MYO3B: variants seen among roughly 807,000 people sequenced by gnomAD.
MYO3B encodes myosin IIIB, also known as myosin-IIIb.
MYO3B carries 156 observed loss-of-function variants against 174.6 expected under a neutral mutation model. The observed-to-expected ratio is 0.89, with a 90% CI of 0.78 to 1.02. MYO3B has a LOEUF of 1.02. Ranked by LOEUF, MYO3B falls within the 50% of genes least tolerant of loss-of-function variation. The pLI is 0.00. For missense variants in MYO3B, 1,632 were observed against 1,639.4 expected, an observed-to-expected ratio of 1.00 and a Z score of 0.08; for synonymous variants, 563 against 569.1, an observed-to-expected ratio of 0.99 and a Z score of 0.15.
chr2:170,391,693 G>C, intron 15 of MYO3B, 75 bp downstream of exon 15: 1 of 879,452 alleles, frequency 1.1e-6, no homozygotes, highest in Non-Finnish European at 1.8e-6. Flanking sequence ...GAAGTAAATG[G>C]AGCTGTTTTC....
chr2:170,390,420 C>G (rs2094404155), intron 14 of MYO3B, among the ~76,000 whole-genome samples: 1 of 152,072 alleles, frequency 6.6e-6, no homozygotes, highest in South Asian at 2.1e-4. Flanking sequence ...AGAGTGAGAC[C>G]CTGTCTCTTA....
rs147483207 is a variant in MYO3B at position 170,415,737 on chromosome 2, T to C, written c.2650+7893T>C. Among the ~76,000 whole-genome samples, 198 of 152,328 alleles carry C rather than the reference T, an allele frequency of 1.3e-3. 1 individual carries two copies. The highest frequency in any genetic ancestry group is 3.7e-3 in the Admixed American group (57 of 15,298). On this transcript the variant is annotated intron_variant, in intron 22 of 34. Transcript: ENST00000408978. ...CTAAGGGCTTCTGAACCATCCCTGC[T>C]CTTCTTACAGGTAAGATGCTCTCTA... is the stretch of plus-strand genomic sequence containing the variant.
At chr2:170,235,253 C>G (rs569372247) in intron 6 of MYO3B, among the ~76,000 whole-genome samples, 40 of 152,308 alleles carry the variant, frequency 2.6e-4, no homozygotes, top group African/African-American at 8.9e-4. Flanking sequence ...TCTCCTATCG[C>G]CATTGTGATA....
At chr2:170,539,271 C>G (rs1461183013) in intron 30 of MYO3B, among the ~76,000 whole-genome samples, 1 of 152,306 alleles carries the variant, frequency 6.6e-6, no homozygotes, top group East Asian at 1.9e-4. Context: ...TCCAGCTTGT[C>G]CCTCTATGCC....
intron 6 of MYO3B, among the ~76,000 whole-genome samples, chr2:170,231,038 G>A (rs566297348): frequency 1.3e-5 from 2 of 152,330 alleles, no homozygotes; most frequent in Non-Finnish European, 2.9e-5. Flanking sequence ...GCCATTTTCT[G>A]GCTGGTGGCT....
At chr2:170,636,705 T>C (rs1697515706) in intron 32 of MYO3B, among the ~76,000 whole-genome samples, 1 of 152,168 alleles carries the variant, frequency 6.6e-6, no homozygotes, top group Middle Eastern at 3.2e-3. Flanking sequence ...ATCATTCCAG[T>C]GAAGAGCTCA....
intron 30 of MYO3B, among the ~76,000 whole-genome samples, chr2:170,531,726 G>T (rs1455734451): frequency 6.6e-6 from 1 of 152,062 alleles, no homozygotes; most frequent in Non-Finnish European, 1.5e-5. Context: ...CAAAGTAAAT[G>T]ATGACAAAAG....
chr2:170,261,845 A>G (rs1256681482), intron 7 of MYO3B, among the ~76,000 whole-genome samples: 1 of 152,218 alleles, frequency 6.6e-6, no homozygotes, highest in African/African-American at 2.4e-5. Context: ...TCAAAGTTCA[A>G]ATATATAAAT....
At chr2:170,620,660 G>A (rs1559166241) in intron 32 of MYO3B, among the ~76,000 whole-genome samples, 1 of 152,200 alleles carries the variant, frequency 6.6e-6, no homozygotes, top group Non-Finnish European at 1.5e-5. Context: ...AAATCCCATG[G>A]GGTAGATGGA....
intron 30 of MYO3B, among the ~76,000 whole-genome samples, chr2:170,528,827 A>G (rs1353296696): frequency 6.6e-6 from 1 of 152,170 alleles, no homozygotes; most frequent in African/African-American, 2.4e-5. Flanking sequence ...ATCCCCATCA[A>G]GGCCTTCAAT....
At chr2:170,221,309 C>T (rs1304527418) in intron 6 of MYO3B, among the ~76,000 whole-genome samples, 1 of 152,022 alleles carries the variant, frequency 6.6e-6, no homozygotes, top group Non-Finnish European at 1.5e-5. Context: ...GATCCTTGAT[C>T]CTATTTTATT....
chr2:170,652,006 A>C, intron 33 of MYO3B, 102 bp from the exon 34 acceptor site: 1 of 1,258,168 alleles, frequency 7.9e-7, no homozygotes, highest in East Asian at 2.3e-5. Context: ...GTGACTTCTG[A>C]TATTATCAGC....
intron 22 of MYO3B, among the ~76,000 whole-genome samples, chr2:170,424,475 G>C (rs2094645121): frequency 6.6e-6 from 1 of 152,050 alleles, no homozygotes; most frequent in Admixed American, 6.5e-5. Context: ...AAATTAGCTG[G>C]GCATGTTGGT....
At chr2:170,563,092 A>G (rs899913255) in intron 32 of MYO3B, among the ~76,000 whole-genome samples, 1 of 146,000 alleles carries the variant, frequency 6.8e-6, no homozygotes, top group Non-Finnish European at 1.5e-5. Context: ...ACACACATAC[A>G]CTCTTTCTCT....
At chr2:170,534,114 G>A (rs998188035) in intron 30 of MYO3B, among the ~76,000 whole-genome samples, 1 of 152,122 alleles carries the variant, frequency 6.6e-6, no homozygotes, top group East Asian at 1.9e-4. Context: ...CAGATGTTGT[G>A]TTTTTTACGA....
At chr2:170,488,767 A>G (rs10189587) in intron 25 of MYO3B, among the ~76,000 whole-genome samples, 33,844 of 152,158 alleles carry the variant, frequency 0.22, 5,241 homozygotes, top group African/African-American at 0.44. Flanking sequence ...AAGAGTTGCA[A>G]AATGGCTCAA....
intron 32 of MYO3B, among the ~76,000 whole-genome samples, chr2:170,576,101 T>A (rs1049518510): frequency 3.3e-5 from 5 of 152,190 alleles, no homozygotes; most frequent in African/African-American, 1.2e-4. Context: ...ATTCAACATT[T>A]TTTCTAGTTG....
intron 27 of MYO3B, among the ~76,000 whole-genome samples, chr2:170,500,829 C>G (rs1379564468): frequency 6.6e-6 from 1 of 152,190 alleles, no homozygotes; most frequent in African/African-American, 2.4e-5. Context: ...AACTTATAAA[C>G]CAAGGGAAGA....
chr2:170,468,177 C>A (rs1290662520), intron 25 of MYO3B, among the ~76,000 whole-genome samples: 2 of 152,102 alleles, frequency 1.3e-5, no homozygotes, highest in Non-Finnish European at 2.9e-5. Flanking sequence ...AACCACTTAA[C>A]AAAATGGATG....
Sources: gnomAD v4.1 joint callset for allele counts (sites outside exome capture counted in the v4.1 genomes callset) on GRCh38, gnomAD v4.1.1 for gene constraint, MANE v1.5 for transcripts, NCBI Gene and HGNC (gene_info 2026-07-23, HGNC 2026-07-21) for gene names.